Variants in NIPAL3 observed in about 807,000 individuals in gnomAD.
The protein encoded by NIPAL3 is NIPA-like protein 3.
Under a neutral mutation model 47.2 loss-of-function variants are expected in NIPAL3, and 41 were observed. That is an observed-to-expected ratio of 0.87 (90% CI 0.68 to 1.13). The LOEUF (loss-of-function observed/expected upper bound fraction) is 1.13, where lower values mean the gene tolerates loss of function less well. Ranked by LOEUF, NIPAL3 falls within the 50% of genes most tolerant of loss-of-function variation. NIPAL3 has a pLI of 0.00. For missense variants in NIPAL3, 449 were observed against 530.1 expected, an observed-to-expected ratio of 0.85 and a Z score of 1.50; for synonymous variants, 194 against 209.6, an observed-to-expected ratio of 0.93 and a Z score of 0.64.
At chr1:24,433,529 A>T (rs1169032581) in intron 2 of NIPAL3, among the ~76,000 whole-genome samples, 4 of 152,220 alleles carry the variant, frequency 2.6e-5, no homozygotes, top group African/African-American at 4.8e-5. Context: ...TATTAAGCCA[A>T]GTAGTTCAGG....
At chr1:24,431,486 T>C (rs1243636247) in intron 2 of NIPAL3, among the ~76,000 whole-genome samples, 3 of 152,240 alleles carry the variant, frequency 2.0e-5, no homozygotes, top group African/African-American at 7.2e-5. Context: ...CCAAAGAAGA[T>C]GGCCTTCTGG....
At chr1:24,462,423 T>C (rs1030792829) in intron 10 of NIPAL3, among the ~76,000 whole-genome samples, 6 of 151,984 alleles carry the variant, frequency 3.9e-5, no homozygotes, top group Admixed American at 3.3e-4. Flanking sequence ...AACAGGAGAG[T>C]AGGAAAAACA....
chr1:24,435,841 G>T (rs544620889), intron 2 of NIPAL3, among the ~76,000 whole-genome samples: 161 of 152,276 alleles, frequency 1.1e-3, no homozygotes, highest in Non-Finnish European at 1.4e-3. Context: ...TTGGGCTGCT[G>T]TAACAAAATA....
chr1:24,423,585 G>T (rs546593898), intron 2 of NIPAL3, among the ~76,000 whole-genome samples: 1 of 152,058 alleles, frequency 6.6e-6, no homozygotes, highest in East Asian at 1.9e-4. Context: ...AGCCGAGATC[G>T]CACCACTGCA....
chr1:24,465,980 G>C (rs760574489), intron 11 of NIPAL3: 5 of 1,603,596 alleles, frequency 3.1e-6, no homozygotes, highest in Non-Finnish European at 4.3e-6. Context: ...GTCAGCATTA[G>C]GATCTTGCCT....
At chr1:24,457,891 T>A (rs1425564876) in intron 8 of NIPAL3, 1 of 495,260 alleles carries the variant, frequency 2.0e-6, no homozygotes, top group Non-Finnish European at 4.2e-6. Flanking sequence ...TGGTTATTAT[T>A]TTTGGTCCCA....
chr1:24,421,620 G>A (rs1439085119), intron 2 of NIPAL3, among the ~76,000 whole-genome samples: 1 of 152,224 alleles, frequency 6.6e-6, no homozygotes, highest in Non-Finnish European at 1.5e-5. Context: ...TTCGTCACAT[G>A]CCTTTCCTTG....
At chr1:24,436,869 C>T (rs1008796564) in intron 2 of NIPAL3, among the ~76,000 whole-genome samples, 1 of 152,074 alleles carries the variant, frequency 6.6e-6, no homozygotes, top group African/African-American at 2.4e-5. Flanking sequence ...AAAAGTACAT[C>T]TACTCCATCT....
At chr1:24,440,275 A>G in intron 3 of NIPAL3, 35 bp downstream of exon 3, 1 of 1,494,252 alleles carries the variant, frequency 6.7e-7, no homozygotes, top group Non-Finnish European at 9.0e-7. Context: ...CTGGGGACAG[A>G]GACACAGCAG....
At chr1:24,419,735 A>G in intron 2 of NIPAL3, 95 bp downstream of exon 2, 1 of 1,072,656 alleles carries the variant, frequency 9.3e-7, no homozygotes, top group South Asian at 1.4e-5. Flanking sequence ...TGGGGTCTGC[A>G]TGCCTGTCAC....
At position 24,469,305 on chromosome 1, in the gene NIPAL3, T is replaced by C. The variant is rs1441735753; in HGVS notation, c.*120T>C. On this transcript the variant is annotated 3_prime_UTR_variant, in exon 12 of 12. Transcript: ENST00000374399. ...TAACTGAGAACTCTATGGATGATGA[T>C]CTCAAAAAGCCTTTGTCTCTGGGAA... is the stretch of plus-strand genomic sequence containing the variant. 3.8e-6 allele frequency: 3 copies of C among 798,616 alleles called. No individual in the cohort carries two copies. Among genetic ancestry groups the C allele is most frequent in the East Asian group, 5.4e-5 (2 of 37,286 alleles). The allele number at this position is 798,616 out of a possible 1,614,324, so 49.5% of individuals were successfully genotyped here. A position where few individuals can be genotyped will look rare whatever the true frequency, so the allele number is the denominator to read the frequency against.
chr1:24,470,670 T>C lies in NIPAL3; in HGVS notation c.*1485T>C, dbSNP rs890306528. ...CACCACTTCCCTAGACAGCCTTTAA[T>C]AGGCATGATAACAGTGTTAATAGAC... On this transcript the variant is annotated 3_prime_UTR_variant, in exon 12 of 12. Coordinates refer to ENST00000374399, the MANE Select transcript of NIPAL3 (RefSeq NM_020448.5). The C allele has an allele frequency of 1.3e-5, 2 of 152,240 alleles. No individual in the cohort carries two copies. The highest frequency in any genetic ancestry group is 2.9e-5 in the Non-Finnish European group (2 of 68,048). The allele number at this position is 152,240 out of a possible 1,614,324, so 9.4% of individuals were successfully genotyped here.
chr1:24,423,312 A>G (rs1208833214), intron 2 of NIPAL3, among the ~76,000 whole-genome samples: 1 of 152,240 alleles, frequency 6.6e-6, no homozygotes, highest in Non-Finnish European at 1.5e-5. Context: ...GAGTAACTCC[A>G]TGGATGGCTA....
At chr1:24,461,602 C>T (rs890859123) in intron 10 of NIPAL3, among the ~76,000 whole-genome samples, 1 of 151,472 alleles carries the variant, frequency 6.6e-6, no homozygotes, top group Non-Finnish European at 1.5e-5. Flanking sequence ...TGCAGTGGCT[C>T]GTGCCTATAA....
chr1:24,423,547 G>A (rs545476545), intron 2 of NIPAL3, among the ~76,000 whole-genome samples: 7 of 152,182 alleles, frequency 4.6e-5, no homozygotes, highest in East Asian at 3.9e-4. Context: ...GGAGAATGGC[G>A]TGAACCCGGG....
intron 2 of NIPAL3, among the ~76,000 whole-genome samples, chr1:24,425,010 C>T (rs1390536347): frequency 1.3e-5 from 2 of 152,192 alleles, no homozygotes; most frequent in Non-Finnish European, 2.9e-5. Flanking sequence ...TGCCCATCAG[C>T]GTATAAATTT....
At position 24,436,218 on chromosome 1, in the gene NIPAL3, A is replaced by G. The variant is rs973242863; in HGVS notation, c.94-3954A>G. On this transcript the variant is annotated intron_variant, in intron 2 of 11. Coordinates refer to ENST00000374399, the MANE Select transcript of NIPAL3 (RefSeq NM_020448.5). The stretch of plus-strand genomic sequence containing the variant: ...CTGTGGTGTTTAGAATAGTGAGGTT[A>G]TTGTCTAAAAGTGTTTTTCTTGCCA... Among the ~76,000 whole-genome samples, 17 of 152,086 alleles carry G rather than the reference A, an allele frequency of 1.1e-4. No individual in the cohort carries two copies. The South Asian group carries it at 3.3e-3, about 30-fold the overall frequency.
intron 11 of NIPAL3, among the ~76,000 whole-genome samples, chr1:24,468,055 C>G (rs1646772788): frequency 6.6e-6 from 1 of 152,120 alleles, no homozygotes; most frequent in Non-Finnish European, 1.5e-5. Context: ...ACCTGTAATC[C>G]CAACACTTTG....
At chr1:24,420,595 C>T (rs1238582432) in intron 2 of NIPAL3, among the ~76,000 whole-genome samples, 1 of 152,118 alleles carries the variant, frequency 6.6e-6, no homozygotes, top group African/African-American at 2.4e-5. Flanking sequence ...CAGTATATCT[C>T]CTTGTTTTTT....
Sources: gnomAD v4.1 joint callset for allele counts (sites outside exome capture counted in the v4.1 genomes callset) on GRCh38, gnomAD v4.1.1 for gene constraint, MANE v1.5 for transcripts, NCBI Gene and HGNC (gene_info 2026-07-23, HGNC 2026-07-21) for gene names.